LPIN1: variants seen among roughly 807,000 people sequenced by gnomAD.
The protein encoded by LPIN1 is lipin 1, also known as phosphatidate phosphatase LPIN1.
Under a neutral mutation model 107.5 loss-of-function variants are expected in LPIN1, and 71 were observed. That is an observed-to-expected ratio of 0.66 (90% CI 0.55 to 0.80). The LOEUF (loss-of-function observed/expected upper bound fraction) is 0.80, where lower values mean the gene tolerates loss of function less well. Ranked by LOEUF, LPIN1 falls within the 30% of genes least tolerant of loss-of-function variation. LPIN1 has a pLI of 0.00. For missense variants in LPIN1, 1,043 were observed against 1,160.6 expected (o/e 0.90, Z 1.47); for synonymous variants, 445 against 452.6 (o/e 0.98, Z 0.21).
At chr2:11,713,856 T>G in intron 2 of LPIN1, 1 of 1,375,914 alleles carries the variant, frequency 7.3e-7, no homozygotes, top group Non-Finnish European at 1.0e-6. Flanking sequence ...GCTTTTACAT[T>G]TTAAGATTAG....
At chr2:11,703,326 C>T (rs954397687) in intron 1 of LPIN1, among the ~76,000 whole-genome samples, 1 of 152,136 alleles carries the variant, frequency 6.6e-6, no homozygotes, top group Non-Finnish European at 1.5e-5. Context: ...TGCCCACTGC[C>T]TGGCTCATAG....
intron 6 of LPIN1, among the ~76,000 whole-genome samples, chr2:11,777,907 A>G (rs76224554): frequency 0.055 from 8,413 of 152,270 alleles, 813 homozygotes; most frequent in African/African-American, 0.19. Context: ...GTTGGTTTTG[A>G]TGGACTTATT....
At position 11,786,690 on chromosome 2, in the gene LPIN1, C is replaced by T. The variant is rs1034876599; in HGVS notation, c.1550-384C>T. Among the ~76,000 whole-genome samples, 1 of 152,206 alleles carries T rather than the reference C, an allele frequency of 6.6e-6. No individual in the cohort carries two copies. Among genetic ancestry groups the T allele is most frequent in the African/African-American group, 2.4e-5 (1 of 41,458 alleles). ...GGGAACTGGGGCCTGGGAGGTGAAC[C>T]GCTTGCCCAGGGTTACCCCCGTAAT... On this transcript the variant is annotated intron_variant, in intron 10 of 20. Transcript: ENST00000674199. The surrounding 1 kb of genome is among the most constrained non-coding windows in gnomAD (Gnocchi z 4.1).
At chr2:11,775,893 T>C (rs1004864079) in intron 5 of LPIN1, among the ~76,000 whole-genome samples, 193 bp from the exon 6 acceptor site, 10 of 147,834 alleles carry the variant, frequency 6.8e-5, no homozygotes, top group African/African-American at 2.2e-4. Flanking sequence ...ATATATAATC[T>C]TTATATAAAG....
chr2:11,710,944 TG>T (rs939388482), intron 1 of LPIN1, among the ~76,000 whole-genome samples: 1 of 152,230 alleles, frequency 6.6e-6, no homozygotes, highest in African/African-American at 2.4e-5. Context: ...TCACCATTTT[TG>T]GTGTTCTTGT....
intron 12 of LPIN1, among the ~76,000 whole-genome samples, chr2:11,789,273 G>A (rs6757892): frequency 0.65 from 98,738 of 152,032 alleles, 34,249 homozygotes; most frequent in African/African-American, 0.88. Flanking sequence ...GGGTTTGTGT[G>A]TGTGTGTGTG....
At chr2:11,685,302 G>A (rs988506237) in intron 1 of LPIN1, among the ~76,000 whole-genome samples, 6 of 152,182 alleles carry the variant, frequency 3.9e-5, no homozygotes, top group African/African-American at 1.4e-4. Flanking sequence ...AGAGCGGTGT[G>A]GAGGCTGGCG....
chr2:11,809,143 TA>T (rs1325690495), intron 17 of LPIN1, among the ~76,000 whole-genome samples: 1 of 152,020 alleles, frequency 6.6e-6, no homozygotes, highest in Non-Finnish European at 1.5e-5. Flanking sequence ...CATTCAAAAC[TA>T]GAAGGAAAGT....
chr2:11,750,279 C>A (rs1192558826), intron 1 of LPIN1, among the ~76,000 whole-genome samples: 1 of 152,172 alleles, frequency 6.6e-6, no homozygotes, highest in African/African-American at 2.4e-5. Flanking sequence ...AAGACAGGCG[C>A]CCAGACAACT....
At chr2:11,814,951 G>A in intron 17 of LPIN1, 137 bp from the exon 18 acceptor site, 1 of 781,182 alleles carries the variant, frequency 1.3e-6, no homozygotes, top group Non-Finnish European at 2.2e-6. Context: ...GCAAGATTTT[G>A]TAGAATGTGG....
In LPIN1 at chr2:11,768,860, C is replaced by T. The variant is rs1043782955; in HGVS notation, c.288+1002C>T. Among the ~76,000 whole-genome samples, 4 of 151,964 alleles carry T rather than the reference C, an allele frequency of 2.6e-5. No homozygotes were observed. The East Asian group carries it at 5.8e-4, about 22-fold the overall frequency. Reference sequence around the variant, plus strand: ...CTGAGGCAGGAGAATGGCGTGAACCCGGGAGGCGGAGCTTGCAGTGAGCCG... The same window carrying T: ...CTGAGGCAGGAGAATGGCGTGAACCTGGGAGGCGGAGCTTGCAGTGAGCCG... On this transcript the variant is annotated intron_variant, in intron 3 of 20. Coordinates refer to ENST00000674199, the MANE Select transcript of LPIN1 (RefSeq NM_001349206.2).
intron 11 of LPIN1, 138 bp from the exon 12 acceptor site, chr2:11,788,249 T>A: frequency 1.5e-6 from 1 of 680,434 alleles, no homozygotes; most frequent in Non-Finnish European, 2.7e-6. Flanking sequence ...GGAGGAGGGC[T>A]GGGGGCTAGC....
chr2:11,784,834 C>A, intron 9 of LPIN1, 52 bp from the exon 10 acceptor site: 1 of 1,575,564 alleles, frequency 6.3e-7, no homozygotes, highest in East Asian at 2.2e-5. Context: ...TGATGTAGGA[C>A]CCTGAACTGG....
intron 17 of LPIN1, among the ~76,000 whole-genome samples, chr2:11,805,841 T>C (rs1678577062): frequency 6.6e-6 from 1 of 152,222 alleles, no homozygotes; most frequent in African/African-American, 2.4e-5. Flanking sequence ...TTCTCATTGC[T>C]CTCGTCTGCC....
At chr2:11,799,483 G>GT (rs1677308728) in intron 14 of LPIN1, among the ~76,000 whole-genome samples, 1 of 151,228 alleles carries the variant, frequency 6.6e-6, no homozygotes, top group African/African-American at 2.4e-5. Flanking sequence ...TCCCCTCCCC[G>GT]TTCCCAGCAG....
intron 4 of LPIN1, among the ~76,000 whole-genome samples, chr2:11,772,375 T>C (rs1671993622): frequency 1.3e-5 from 2 of 152,330 alleles, no homozygotes; most frequent in South Asian, 4.1e-4. Flanking sequence ...CAAGAGACAG[T>C]TGGTGATGCC....
chr2:11,813,080 T>G (rs983341862), intron 17 of LPIN1, among the ~76,000 whole-genome samples: 6 of 151,812 alleles, frequency 4.0e-5, no homozygotes, highest in Admixed American at 6.6e-5. Context: ...TCGGGGTGAG[T>G]TGGGGAGGAG....
intron 1 of LPIN1, among the ~76,000 whole-genome samples, chr2:11,709,520 G>A (rs1464320326): frequency 6.6e-6 from 1 of 152,204 alleles, no homozygotes; most frequent in Non-Finnish European, 1.5e-5. Flanking sequence ...ATTGGACTGT[G>A]AATGGGTTTT....
intron 1 of LPIN1, among the ~76,000 whole-genome samples, chr2:11,737,183 G>A (rs1355835942): frequency 6.6e-6 from 1 of 152,224 alleles, no homozygotes; most frequent in African/African-American, 2.4e-5. Context: ...CTAGCCATAT[G>A]CAGAAAACTG....
Sources: allele counts gnomAD v4.1 joint callset (sites outside exome capture counted in the v4.1 genomes callset), GRCh38; gene constraint gnomAD v4.1.1; non-coding constraint Gnocchi (gnomAD v3.1); transcripts MANE v1.5; gene names NCBI Gene and HGNC (gene_info 2026-07-23, HGNC 2026-07-21).